The following UNC13C variants were observed in gnomAD, a reference collection of about 807,000 sequenced individuals.
UNC13C encodes protein unc-13 homolog C.
UNC13C carries 174 observed loss-of-function variants against 245.4 expected under a neutral mutation model. The ratio of observed to expected loss-of-function variants is 0.71; its 90% confidence interval spans 0.63 to 0.80. The LOEUF (loss-of-function observed/expected upper bound fraction) is 0.80, where lower values mean the gene tolerates loss of function less well. UNC13C is among the 30% of genes least tolerant of loss of function. UNC13C has a pLI of 0.00. For synonymous variants in UNC13C, 992 were observed against 895.1 expected, an observed-to-expected ratio of 1.11 and a Z score of -1.93; for missense variants, 2,829 against 2,602.9, an observed-to-expected ratio of 1.09 and a Z score of -1.89.
At chr15:53,976,855 A>T (rs1893724202), upstream of UNC13C, 1 of 152,186 alleles carries the variant, frequency 6.6e-6, no homozygotes, top group East Asian at 1.9e-4. Context: ...AAACAGATTC[A>T]GTGAATAGGT....
At chr15:53,958,404 C>T in the UNC13C span, among the ~76,000 whole-genome samples, 3 of 150,674 alleles carry the variant, frequency 2.0e-5, no homozygotes, top group African/African-American at 7.5e-5. Flanking sequence ...AACACCTGGG[C>T]TTATTGTTGT....
intron 2 of UNC13C, among the ~76,000 whole-genome samples, chr15:54,125,563 A>C (rs1488708732): frequency 6.6e-6 from 1 of 152,198 alleles, no homozygotes; most frequent in African/African-American, 2.4e-5. Flanking sequence ...TAACTTTTCC[A>C]ATTCACAAAC....
chr15:53,959,626 G>C, the UNC13C span, among the ~76,000 whole-genome samples: 1 of 152,236 alleles, frequency 6.6e-6, no homozygotes, highest in East Asian at 1.9e-4. Context: ...AGGGCTCAAA[G>C]ACCTCTAACT....
At chr15:53,840,379 C>T in the UNC13C span, among the ~76,000 whole-genome samples, 12 of 152,004 alleles carry the variant, frequency 7.9e-5, no homozygotes, top group Admixed American at 2.6e-4. Flanking sequence ...ATTTACTGAG[C>T]GCTTGCAATG....
intron 16 of UNC13C, among the ~76,000 whole-genome samples, chr15:54,336,260 A>T (rs1209759774): frequency 6.6e-6 from 1 of 152,078 alleles, no homozygotes; most frequent in Non-Finnish European, 1.5e-5. Context: ...TAATTAACGT[A>T]TGCATTACCT....
intron 17 of UNC13C, among the ~76,000 whole-genome samples, chr15:54,339,437 G>A (rs1263670500): frequency 6.6e-6 from 1 of 152,006 alleles, no homozygotes; most frequent in Non-Finnish European, 1.5e-5. Flanking sequence ...TTTCCCCAGA[G>A]TCCTCAAAGT....
intron 17 of UNC13C, among the ~76,000 whole-genome samples, chr15:54,344,784 C>A (rs1391059933): frequency 6.6e-6 from 1 of 152,056 alleles, no homozygotes. Context: ...AAATTAAATA[C>A]CTTCATTTCA....
rs778017912 is a variant in UNC13C at position 54,626,953 on chromosome 15, A to G, written c.6485A>G (p.Lys2162Arg). 1.9e-6 allele frequency: 3 copies of G among 1,613,548 alleles called. No homozygotes were observed. In the Admixed American group the frequency reaches 5.0e-5, roughly 27 times the overall value. Residue 2162 changes from lysine to arginine, a missense_variant, in exon 33 of 33, where the codon AAG becomes AGG. Lys to Arg is a conservative substitution (Grantham distance 26, BLOSUM62 2). Transcript: ENST00000260323. ...ATTCAGCTACAGAACATAGCAGAAA[A>G]GGGAAGCTATGGGGCATGGTATCCT... is the stretch of plus-strand genomic sequence containing the variant. ...TVIQLQNIAE[K>R]GSYGAWYPLL... is the part of the protein sequence containing the mutation.
Position 54,626,973 on chromosome 15 carries a change from T to C in UNC13C, c.6505T>C (p.Tyr2169His). 3.7e-6 allele frequency: 6 copies of C among 1,613,520 alleles called. No individual in the cohort carries two copies. The highest frequency in any genetic ancestry group is 5.1e-6 in the Non-Finnish European group (6 of 1,179,614). Residue 2169 changes from tyrosine (Y) to histidine (H), a missense_variant, in exon 33 of 33, where the codon TAT (tyrosine) becomes CAT (histidine). Physicochemically the swap from Tyr to His is moderately conservative, Grantham distance 83 (BLOSUM62 2). Coordinates refer to ENST00000260323, the MANE Select transcript of UNC13C (RefSeq NM_001080534.3). Reference protein sequence around the residue: ...IAEKGSYGAWYPLLKNISMDE... With the variant: ...IAEKGSYGAWHPLLKNISMDE... ...AGAAAAGGGAAGCTATGGGGCATGG[T>C]ATCCTCTTCTGAAAAATATCTCTAT...
In UNC13C at chr15:54,458,549, T is replaced by C. The variant is rs79487035; in HGVS notation, c.4934-36059T>C. Among the ~76,000 whole-genome samples the C allele has an allele frequency of 4.7e-4, 72 of 152,170 alleles. 1 individual carries two copies. Among genetic ancestry groups the C allele is most frequent in the Non-Finnish European group, 9.9e-4 (67 of 67,944 alleles). ...CTCATTTCTTAGATATAGTAATAAT[T>C]GTCTTATAAATTTGGGATCTCCAGT... is the stretch of plus-strand genomic sequence containing the variant. On this transcript the variant is annotated intron_variant, in intron 19 of 32. Transcript: ENST00000260323.
chr15:54,238,420 G>T (rs758191550), intron 7 of UNC13C, among the ~76,000 whole-genome samples: 6 of 152,044 alleles, frequency 3.9e-5, no homozygotes, highest in Non-Finnish European at 1.5e-5. Context: ...ATGATTACGA[G>T]TGAAGTTGGC....
At chr15:54,333,936 C>T (rs1334428315) in intron 16 of UNC13C, 80 bp downstream of exon 16, 1 of 1,020,038 alleles carries the variant, frequency 9.8e-7, no homozygotes. Flanking sequence ...CTTTACCCTC[C>T]TCTTGATCAA....
Position 54,026,019 on chromosome 15 carries a change from A to G in UNC13C, c.2983+10133A>G, listed in dbSNP as rs554039871. Among the ~76,000 whole-genome samples the G allele has an allele frequency of 4.6e-5, 7 of 152,266 alleles. No homozygotes were observed. In the East Asian group the frequency reaches 1.3e-3, roughly 29 times the overall value. ...TTTTAGATTTACATTTCTGTTCTTTAGTGATTACAGTTAAGGCACACATAC... is the reference window on the plus strand; with the variant it reads ...TTTTAGATTTACATTTCTGTTCTTTGGTGATTACAGTTAAGGCACACATAC... On this transcript the variant is annotated intron_variant, in intron 2 of 32. Coordinates refer to ENST00000260323, the MANE Select transcript of UNC13C (RefSeq NM_001080534.3).
At chr15:54,009,749 C>T (rs1895299492) in intron 1 of UNC13C, among the ~76,000 whole-genome samples, 1 of 152,034 alleles carries the variant, frequency 6.6e-6, no homozygotes, top group Non-Finnish European at 1.5e-5. Context: ...ATTTCACCAA[C>T]TTGGCCAGGA....
the UNC13C span, among the ~76,000 whole-genome samples, chr15:53,947,244 A>T: frequency 1.3e-5 from 2 of 152,202 alleles, no homozygotes; most frequent in African/African-American, 4.8e-5. Flanking sequence ...AAGCAGGTGG[A>T]TAGATGATAT....
At chr15:54,465,786 A>G (rs1892133362) in intron 19 of UNC13C, among the ~76,000 whole-genome samples, 1 of 152,062 alleles carries the variant, frequency 6.6e-6, no homozygotes, top group African/African-American at 2.4e-5. Flanking sequence ...CAGAATTACC[A>G]GAACAAAGAT....
At chr15:54,435,739 A>T (rs946325209) in intron 19 of UNC13C, among the ~76,000 whole-genome samples, 6 of 124,932 alleles carry the variant, frequency 4.8e-5, no homozygotes, top group African/African-American at 1.5e-4. Flanking sequence ...TAATAGATTT[A>T]AAAAATAATA....
In UNC13C at chr15:54,608,135, CA is replaced by C. The variant is rs952383756; in HGVS notation, c.6107-14183del. 7.6e-5 allele frequency among the ~76,000 whole-genome samples: 11 copies of C among 145,272 alleles called. No individual in the cohort carries two copies. The Middle Eastern group carries it at 0.01, about 138-fold the overall frequency. On this transcript the variant is annotated intron_variant, in intron 30 of 32. Transcript: ENST00000260323. ...TGTCTATGTATTCCAGGTCTTTTTC[CA>C]AAAAAAAACACTTATATTTAAGTTT...
intron 26 of UNC13C, among the ~76,000 whole-genome samples, chr15:54,545,427 C>A (rs1414436357): frequency 6.6e-6 from 1 of 152,118 alleles, no homozygotes; most frequent in Non-Finnish European, 1.5e-5. Context: ...CCAATGGCAA[C>A]AAAAGCCGAA....
Sources: allele counts gnomAD v4.1 joint callset (sites outside exome capture counted in the v4.1 genomes callset), GRCh38; gene constraint gnomAD v4.1.1; transcripts MANE v1.5; gene names NCBI Gene and HGNC (gene_info 2026-07-23, HGNC 2026-07-21).